ABCG2: variants seen among roughly 807,000 people sequenced by gnomAD.
ABCG2 encodes the protein ATP binding cassette subfamily G member 2 (JR blood group), also known as broad substrate specificity ATP-binding cassette transporter ABCG2.
A neutral mutation model predicts 73.5 loss-of-function variants in ABCG2; 80 were observed. That is an observed-to-expected ratio of 1.09 (90% confidence interval 0.91 to 1.31). ABCG2 has a LOEUF of 1.31. Among genes scored for constraint, ABCG2 ranks in the 50% most tolerant of loss-of-function variants. The pLI, the probability that ABCG2 is intolerant of heterozygous loss-of-function variation, is 0.00. For missense variants in ABCG2, 796 were observed against 786.2 expected (o/e 1.01, Z -0.15); for synonymous variants, 269 against 282.4 (o/e 0.95, Z 0.48).
At chr4:88,102,857 G>A (rs952060450) in intron 10 of ABCG2, among the ~76,000 whole-genome samples, 6 of 152,052 alleles carry the variant, frequency 3.9e-5, no homozygotes, top group African/African-American at 1.2e-4. Flanking sequence ...AAAAAAAAGA[G>A]TCCATAGATA....
At chr4:88,205,848 A>C (rs2110118432) in intron 1 of ABCG2, among the ~76,000 whole-genome samples, 1 of 152,042 alleles carries the variant, frequency 6.6e-6, no homozygotes, top group African/African-American at 2.4e-5. Context: ...ACACCCGACT[A>C]ATTTTTGTAT....
rs759323853 is a variant in ABCG2 at position 88,095,592 on chromosome 4, C to A, written c.1665G>T (p.Leu555Phe). The A allele has an allele frequency of 1.1e-5, 17 of 1,613,500 alleles. No individual in the cohort carries two copies. The highest frequency in any genetic ancestry group is 1.4e-5 in the Non-Finnish European group (16 of 1,179,636). The change falls in exon 14 of 16, where the codon TTG becomes TTT. Residue 555 changes from leucine (L) to phenylalanine (F), a missense_variant. Coordinates refer to ENST00000237612, the MANE Select transcript of ABCG2 (RefSeq NM_004827.3). ...AAGATGCAATGGTTGTGAGATTGAC[C>A]AACAGACCTGAAAAAATCTACAAAA... is the stretch of plus-strand genomic sequence containing the variant. ...FVFMMIFSGLLVNLTTIASWL... is the reference protein window; with the variant it reads ...FVFMMIFSGLFVNLTTIASWL...
intron 1 of ABCG2, among the ~76,000 whole-genome samples, chr4:88,176,166 TTC>T: frequency 6.6e-6 from 1 of 151,820 alleles, no homozygotes; most frequent in African/African-American, 2.4e-5. Context: ...TGTTTTTTTT[TTC>T]TTTTTTTGTG....
At chr4:88,157,883 A>G (rs2110082037) in intron 1 of ABCG2, among the ~76,000 whole-genome samples, 2 of 152,354 alleles carry the variant, frequency 1.3e-5, no homozygotes, top group Middle Eastern at 3.4e-3. Context: ...AAGAGCACTC[A>G]ACTATCCACA....
chr4:88,132,497 T>C, intron 3 of ABCG2, 79 bp downstream of exon 3: 2 of 1,446,264 alleles, frequency 1.4e-6, no homozygotes, highest in Non-Finnish European at 1.9e-6. Context: ...AAATACCTGC[T>C]CGCACACAAA....
At chr4:88,160,894 G>T (rs1727272187), upstream of ABCG2, among the ~76,000 whole-genome samples, 1 of 150,852 alleles carries the variant, frequency 6.6e-6, no homozygotes. Flanking sequence ...AAAATTGCTG[G>T]GCAAGGAGTG....
chr4:88,154,569 G>C (rs770700972), intron 1 of ABCG2, among the ~76,000 whole-genome samples: 14 of 152,166 alleles, frequency 9.2e-5, no homozygotes, highest in Non-Finnish European at 2.9e-5. Context: ...AGGACTGGTG[G>C]AACTGCCATC....
At chr4:88,141,684 C>G (rs568216056) in intron 1 of ABCG2, among the ~76,000 whole-genome samples, 1 of 152,286 alleles carries the variant, frequency 6.6e-6, no homozygotes, top group East Asian at 1.9e-4. Context: ...TCAGGAATCT[C>G]TCTGAATCTG....
chr4:88,139,408 C>G (rs1266900927), intron 2 of ABCG2, among the ~76,000 whole-genome samples: 1 of 152,072 alleles, frequency 6.6e-6, no homozygotes, highest in African/African-American at 2.4e-5. Context: ...TACACACCAC[C>G]ACGCCCAGCT....
In ABCG2 at chr4:88,094,698, T is replaced by C. The variant is rs747894325; in HGVS notation, c.1738-39A>G. On this transcript the variant is annotated intron_variant, in intron 14 of 15. Transcript: ENST00000237612. ...GGGAGCAGGGCAAGGTAAACAGTTT[T>C]AAATTTCAAGAAGTTTCCAAAGAGT... The C allele has an allele frequency of 2.0e-6, 3 of 1,514,806 alleles. No individual in the cohort carries two copies. The Admixed American group carries it at 5.0e-5, about 25-fold the overall frequency. The allele number at this position is 1,514,806 out of a possible 1,614,324, so 93.8% of individuals were successfully genotyped here. A position where few individuals can be genotyped will look rare whatever the true frequency, so the allele number is the denominator to read the frequency against.
intron 1 of ABCG2, among the ~76,000 whole-genome samples, chr4:88,142,839 T>G (rs1725734311): frequency 6.6e-6 from 1 of 151,952 alleles, no homozygotes; most frequent in Admixed American, 6.5e-5. Context: ...TTTCGGCTAC[T>G]CGGGAGGCTG....
chr4:88,113,349 C>T lies in ABCG2; in HGVS notation c.1148G>A (p.Arg383His), dbSNP rs142232017. 46 of 1,614,020 alleles carry T rather than the reference C, an allele frequency of 2.9e-5. No homozygotes were observed. Among genetic ancestry groups the T allele is most frequent in the South Asian group, 8.8e-5 (8 of 91,076 alleles). The change falls in exon 9 of 16, where the codon CGT becomes CAT. Residue 383 changes from arginine (R) to histidine (H), a missense_variant. By Grantham distance (29) the Arg-to-His change is conservative. Coordinates refer to ENST00000237612, the MANE Select transcript of ABCG2 (RefSeq NM_004827.3). ...ATTACCCAGCAAGTTTTTGAATGAA[C>T]GCTTGGAAACCCATCTGAGTTGATG... is the stretch of plus-strand genomic sequence containing the variant. ...FCHQLRWVSK[R>H]SFKNLLGNPQ...
At chr4:88,227,618 G>T (rs1730276655) in intron 1 of ABCG2, among the ~76,000 whole-genome samples, 2 of 152,072 alleles carry the variant, frequency 1.3e-5, no homozygotes, top group Admixed American at 1.3e-4. Context: ...TCTGGAGTTG[G>T]AGCCCAAGGA....
At position 88,141,890 on chromosome 4, in the gene ABCG2, A is replaced by G. The variant is rs186721762; in HGVS notation, c.-19-1876T>C. 4.3e-4 allele frequency among the ~76,000 whole-genome samples: 66 copies of G among 152,274 alleles called. No homozygotes were observed. The East Asian group carries it at 0.013, about 29-fold the overall frequency. The stretch of plus-strand genomic sequence containing the variant: ...ACAAAAGATTGATGTGTTTAAGAAA[A>G]TTAAAAGACAGACTCTCACCAAGGA... On this transcript the variant is annotated intron_variant, in intron 1 of 15. Transcript: ENST00000237612.
At position 88,095,601 on chromosome 4, in the gene ABCG2, T is replaced by C. The variant is rs750819307; in HGVS notation, c.1656A>G (p.Ser552=). Reference sequence around the variant, plus strand: ...TGGTTGTGAGATTGACCAACAGACCTGAAAAAATCTACAAAAAGCAAATAC... The same window carrying C: ...TGGTTGTGAGATTGACCAACAGACCCGAAAAAATCTACAAAAAGCAAATAC... ...TICFVFMMIF[S]GLLVNLTTIA... Residue 552 remains serine, a synonymous_variant, in exon 14 of 16, where the codon TCA becomes TCG. Coordinates refer to ENST00000237612, the MANE Select transcript of ABCG2 (RefSeq NM_004827.3). 4 of 1,613,388 alleles carry C rather than the reference T, an allele frequency of 2.5e-6. No homozygotes were observed. Among genetic ancestry groups the C allele is most frequent in the Non-Finnish European group, 3.4e-6 (4 of 1,179,444 alleles).
At chr4:88,199,178 AG>A (rs770111779) in intron 1 of ABCG2, among the ~76,000 whole-genome samples, 20 of 152,148 alleles carry the variant, frequency 1.3e-4, no homozygotes, top group Middle Eastern at 6.8e-3. Flanking sequence ...CATGTTGGCC[AG>A]GCTGGTCTCA....
intron 5 of ABCG2, among the ~76,000 whole-genome samples, chr4:88,129,429 T>C (rs1042199886): frequency 1.3e-5 from 2 of 152,184 alleles, no homozygotes; most frequent in African/African-American, 2.4e-5. Context: ...AGGAAGTCAA[T>C]AGCTGTGCCT....
intron 1 of ABCG2, among the ~76,000 whole-genome samples, chr4:88,196,966 C>A (rs1418789087): frequency 2.0e-5 from 3 of 151,798 alleles, no homozygotes; most frequent in African/African-American, 7.3e-5. Context: ...AGGGAAATAC[C>A]CAACCCCAAA....
chr4:88,174,975 T>A (rs112536206), intron 1 of ABCG2, among the ~76,000 whole-genome samples: 7,194 of 152,302 alleles, frequency 0.047, 268 homozygotes, highest in South Asian at 0.12. Context: ...GCACCATTTA[T>A]TAAATAGGGA....
Sources: gnomAD v4.1 joint callset for allele counts (sites outside exome capture counted in the v4.1 genomes callset) on GRCh38, gnomAD v4.1.1 for gene constraint, MANE v1.5 for transcripts, NCBI Gene and HGNC (gene_info 2026-07-23, HGNC 2026-07-21) for gene names.